The following NEK6 variants were observed in gnomAD, a reference collection of about 807,000 sequenced individuals.
NEK6 encodes serine/threonine-protein kinase Nek6.
NEK6 carries 27 observed loss-of-function variants against 43.5 expected under a neutral mutation model. The observed-to-expected ratio is 0.62, with a 90% CI of 0.46 to 0.86. NEK6 has a LOEUF of 0.86. Among genes scored for constraint, NEK6 ranks in the 40% least tolerant of loss-of-function variants. NEK6 has a pLI of 0.00. For synonymous variants in NEK6, 167 were observed against 164.1 expected (o/e 1.02, Z -0.14); for missense variants, 318 against 414.4 (o/e 0.77, Z 2.02).
At chr9:124,294,751 C>T (rs913607558) in intron 1 of NEK6, among the ~76,000 whole-genome samples, 3 of 152,162 alleles carry the variant, frequency 2.0e-5, no homozygotes, top group East Asian at 3.9e-4. Context: ...TGGCTTGCTC[C>T]GGTGTGCGGA....
chr9:124,290,924 C>T (rs1031376035), intron 1 of NEK6, among the ~76,000 whole-genome samples: 1 of 152,188 alleles, frequency 6.6e-6, no homozygotes, highest in Admixed American at 6.5e-5. Flanking sequence ...CTCCTGGGGA[C>T]CTGTAAGAAC....
intron 7 of NEK6, among the ~76,000 whole-genome samples, chr9:124,335,287 G>C (rs932529179): frequency 6.6e-6 from 1 of 152,242 alleles, no homozygotes; most frequent in Middle Eastern, 3.4e-3. Flanking sequence ...AAATATACAA[G>C]GTGTTGCTAC....
chr9:124,325,277 C>G (rs1310186303), intron 5 of NEK6, among the ~76,000 whole-genome samples: 1 of 152,208 alleles, frequency 6.6e-6, no homozygotes, highest in Non-Finnish European at 1.5e-5. Context: ...GTTTCGTTTC[C>G]CTGTCTGTAA....
At chr9:124,300,654 C>T (rs773257524) in intron 1 of NEK6, among the ~76,000 whole-genome samples, 6 of 152,238 alleles carry the variant, frequency 3.9e-5, no homozygotes, top group South Asian at 2.1e-4. Flanking sequence ...GGGCAGGAGA[C>T]GGACCAGAGG....
chr9:124,270,536 CAA>C (rs1319528638), intron 1 of NEK6, among the ~76,000 whole-genome samples: 2 of 152,024 alleles, frequency 1.3e-5, no homozygotes, highest in Non-Finnish European at 2.9e-5. Context: ...AAAAAAAACA[CAA>C]AAGTTTTTTC....
Position 124,275,895 on chromosome 9 carries a change from G to A in NEK6, c.-30+17810G>A, listed in dbSNP as rs1282097609. Among the ~76,000 whole-genome samples, 1 of 152,268 alleles carries A rather than the reference G, an allele frequency of 6.6e-6. No individual in the cohort carries two copies. Among genetic ancestry groups the A allele is most frequent in the African/African-American group, 2.4e-5 (1 of 41,476 alleles). ...GCCTTTTCTGGGGACAGATAGGTCA[G>A]CGGGACGGATGGAACCAGCTCTGTG... On this transcript the variant is annotated intron_variant, in intron 1 of 9. Transcript: ENST00000320246. This position sits in a 1 kb window ranked among gnomAD's most constrained non-coding sequence, Gnocchi z 4.4.
At chr9:124,318,276 C>CT (rs1641089221) in intron 4 of NEK6, among the ~76,000 whole-genome samples, 1 of 152,200 alleles carries the variant, frequency 6.6e-6, no homozygotes, top group African/African-American at 2.4e-5. Context: ...GGGTCACACC[C>CT]TATCATCTAA....
intron 1 of NEK6, chr9:124,292,764 G>C (rs1832485785): frequency 7.8e-7 from 1 of 1,275,326 alleles, no homozygotes; most frequent in Non-Finnish European, 1.1e-6. Context: ...TCAGCAACCA[G>C]TTACCCAGCC....
At chr9:124,337,346 T>TC (rs1829349415) in intron 7 of NEK6, among the ~76,000 whole-genome samples, 1 of 152,186 alleles carries the variant, frequency 6.6e-6, no homozygotes, top group South Asian at 2.1e-4. Flanking sequence ...CCCTCTGGCT[T>TC]CCCTCTTGGC....
At chr9:124,332,673 C>T (rs886372691) in intron 7 of NEK6, among the ~76,000 whole-genome samples, 5 of 152,188 alleles carry the variant, frequency 3.3e-5, no homozygotes, top group African/African-American at 9.7e-5. Context: ...CTGCCTTTTT[C>T]GTAGCTAATG....
At chr9:124,284,010 G>C (rs544589187) in intron 1 of NEK6, among the ~76,000 whole-genome samples, 1 of 152,224 alleles carries the variant, frequency 6.6e-6, no homozygotes, top group African/African-American at 2.4e-5. Flanking sequence ...ATGTCTGGAG[G>C]CATGTGACGC....
intron 4 of NEK6, among the ~76,000 whole-genome samples, chr9:124,318,930 CA>C (rs1306819601): frequency 6.6e-6 from 1 of 151,902 alleles, no homozygotes; most frequent in Non-Finnish European, 1.5e-5. Context: ...CTTGGCCTCC[CA>C]AAGTGCTAGG....
intron 1 of NEK6, among the ~76,000 whole-genome samples, chr9:124,282,401 C>T (rs1198223043): frequency 6.6e-6 from 1 of 152,248 alleles, no homozygotes; most frequent in African/African-American, 2.4e-5. Context: ...CCACCCTAAT[C>T]CCATGTGACC....
intron 4 of NEK6, among the ~76,000 whole-genome samples, chr9:124,317,877 A>G (rs1833893562): frequency 6.6e-6 from 1 of 152,198 alleles, no homozygotes; most frequent in Non-Finnish European, 1.5e-5. Context: ...TGGCTGCATA[A>G]TATTCTATTG....
At chr9:124,336,886 G>A (rs138995921) in intron 7 of NEK6, among the ~76,000 whole-genome samples, 1 of 152,098 alleles carries the variant, frequency 6.6e-6, no homozygotes, top group African/African-American at 2.4e-5. Flanking sequence ...GCACGTGCCT[G>A]TAATCCCAGC....
intron 7 of NEK6, among the ~76,000 whole-genome samples, chr9:124,336,783 C>T (rs1208978314): frequency 5.9e-5 from 9 of 152,090 alleles, no homozygotes; most frequent in Admixed American, 1.3e-4. Flanking sequence ...CCGAGGCAGA[C>T]GGATCACCTG....
intron 1 of NEK6, among the ~76,000 whole-genome samples, chr9:124,287,914 A>C (rs1363913846): frequency 6.6e-6 from 1 of 152,210 alleles, no homozygotes; most frequent in Non-Finnish European, 1.5e-5. Flanking sequence ...CGTCATGTAA[A>C]TATATAGGGT....
intron 1 of NEK6, among the ~76,000 whole-genome samples, chr9:124,293,798 G>A (rs192967540): frequency 6.6e-6 from 1 of 152,350 alleles, no homozygotes; most frequent in East Asian, 1.9e-4. Flanking sequence ...AGATGACCGC[G>A]AAGGTCAGTC....
At chr9:124,309,592 G>A (rs1833430889) in intron 2 of NEK6, among the ~76,000 whole-genome samples, 1 of 152,218 alleles carries the variant, frequency 6.6e-6, no homozygotes, top group Non-Finnish European at 1.5e-5. Flanking sequence ...TTCCTGATTT[G>A]CGAGATGGGA....
Sources: allele counts gnomAD v4.1 joint callset (sites outside exome capture counted in the v4.1 genomes callset), GRCh38; gene constraint gnomAD v4.1.1; non-coding constraint Gnocchi (gnomAD v3.1); transcripts MANE v1.5; gene names NCBI Gene and HGNC (gene_info 2026-07-23, HGNC 2026-07-21).